Variants in PLXDC1 observed in about 807,000 individuals in gnomAD.
The protein encoded by PLXDC1 is plexin domain containing 1, also known as plexin domain-containing protein 1.
A neutral mutation model predicts 61.3 loss-of-function variants in PLXDC1; 39 were observed. That is an observed-to-expected ratio of 0.64 (90% CI 0.49 to 0.83). The LOEUF is 0.83. Among genes scored for constraint, PLXDC1 ranks in the 40% least tolerant of loss-of-function variants. The probability of loss-of-function intolerance (pLI) is 0.00; values close to 1 mark genes in which losing one functional copy is unlikely to be tolerated. For missense variants in PLXDC1, 596 were observed against 666.5 expected (o/e 0.89, Z 1.17); for synonymous variants, 212 against 254.5 (o/e 0.83, Z 1.59).
At chr17:39,122,141 G>A (rs369125453) in intron 2 of PLXDC1, among the ~76,000 whole-genome samples, 1 of 146,862 alleles carries the variant, frequency 6.8e-6, no homozygotes, top group East Asian at 2.0e-4. Context: ...AGTGACTCAC[G>A]CCTGAAATCC....
At chr17:39,112,457 C>CTTTTTTTTTTTTTTTTTTTTTTTTTTT (rs11448360) in intron 2 of PLXDC1, among the ~76,000 whole-genome samples, 1 of 121,114 alleles carries the variant, frequency 8.3e-6, no homozygotes, top group Non-Finnish European at 1.6e-5. Context: ...TTTTTTCTTT[C>CTTTTTTTTTTTTTTTTTTTTTTTTTTT]TTTTTTTTTT....
chr17:39,075,376 T>A (rs567297345), intron 11 of PLXDC1, among the ~76,000 whole-genome samples: 16 of 152,346 alleles, frequency 1.1e-4, no homozygotes, highest in African/African-American at 3.6e-4. Flanking sequence ...TCTGCCTCAC[T>A]TTTTCACACT....
intron 2 of PLXDC1, among the ~76,000 whole-genome samples, chr17:39,129,633 G>A (rs1403826310): frequency 5.1e-5 from 4 of 78,952 alleles, no homozygotes; most frequent in East Asian, 5.0e-4. Context: ...AGAAAGAAAA[G>A]AAAGAAAGAG....
chr17:39,139,505 C>T (rs1193855684), intron 2 of PLXDC1, 149 bp downstream of exon 2: 4 of 704,506 alleles, frequency 5.7e-6, no homozygotes, highest in East Asian at 5.6e-5. Context: ...GCTTCCATCC[C>T]CTCCCCGGGG....
At chr17:39,133,075 C>T (rs1911617144) in intron 2 of PLXDC1, among the ~76,000 whole-genome samples, 1 of 152,202 alleles carries the variant, frequency 6.6e-6, no homozygotes, top group Non-Finnish European at 1.5e-5. Context: ...CTAGATGAGA[C>T]TTCCTTAGGC....
chr17:39,118,110 C>A (rs944487668), intron 2 of PLXDC1, among the ~76,000 whole-genome samples: 1 of 135,964 alleles, frequency 7.4e-6, no homozygotes, highest in African/African-American at 2.7e-5. Flanking sequence ...TCCTTCCTTC[C>A]TCTCTCTCTC....
At chr17:39,068,027 G>C in intron 13 of PLXDC1, 68 bp from the exon 14 acceptor site, 1 of 1,533,174 alleles carries the variant, frequency 6.5e-7, no homozygotes, top group South Asian at 1.2e-5. Context: ...ACACTCCTGA[G>C]CGACAGAGCC....
intron 7 of PLXDC1, among the ~76,000 whole-genome samples, chr17:39,103,140 G>A (rs969260889): frequency 5.9e-5 from 9 of 151,794 alleles, no homozygotes; most frequent in East Asian, 5.8e-4. Flanking sequence ...GCGTGAACCC[G>A]GGAGGTGGAG....
intron 11 of PLXDC1, among the ~76,000 whole-genome samples, chr17:39,074,970 CT>C (rs1248702194): frequency 6.6e-6 from 1 of 151,892 alleles, no homozygotes; most frequent in Admixed American, 6.6e-5. Context: ...CTTTCCTTTT[CT>C]TTTTTTGAGA....
intron 8 of PLXDC1, among the ~76,000 whole-genome samples, chr17:39,086,752 C>T (rs1486815464): frequency 1.4e-5 from 2 of 146,150 alleles, no homozygotes; most frequent in Admixed American, 7.1e-5. Context: ...ATCCCAGCTA[C>T]TTGGGAGGCT....
chr17:39,122,373 T>C (rs1911190094), intron 2 of PLXDC1, among the ~76,000 whole-genome samples: 2 of 114,150 alleles, frequency 1.8e-5, no homozygotes, highest in Admixed American at 1.0e-4. Flanking sequence ...AGCGAGACTC[T>C]GTCTCAAAAA....
Position 39,069,943 on chromosome 17 carries a change from C to A in PLXDC1, c.1296G>T (p.Leu432=). ...TGATGGCCGCCACGAGGAGGACTGCCAGCACGATGCCCACGATGGTGCCCA... is the reference window on the plus strand; with the variant it reads ...TGATGGCCGCCACGAGGAGGACTGCAAGCACGATGCCCACGATGGTGCCCA... ...VHLGTIVGIV[L]AVLLVAAIIL... Residue 432 remains leucine (L), a synonymous_variant, in exon 13 of 14, where the codon CTG becomes CTT. Coordinates refer to ENST00000315392, the MANE Select transcript of PLXDC1 (RefSeq NM_020405.5). The A allele has an allele frequency of 6.2e-7, 1 of 1,613,620 alleles. No homozygotes were observed. The highest frequency in any genetic ancestry group is 8.5e-7 in the Non-Finnish European group (1 of 1,179,572).
At chr17:39,137,123 G>A (rs1030707107) in intron 2 of PLXDC1, among the ~76,000 whole-genome samples, 6 of 152,242 alleles carry the variant, frequency 3.9e-5, no homozygotes, top group Admixed American at 2.0e-4. Context: ...TGGAGTTACA[G>A]GGAGTACCCT....
intron 13 of PLXDC1, 45 bp downstream of exon 13, chr17:39,069,811 G>A (rs765555297): frequency 2.3e-5 from 36 of 1,543,942 alleles, no homozygotes; most frequent in African/African-American, 6.8e-5. Context: ...AGGAGACGCC[G>A]ACGCAGAAGC....
chr17:39,068,609 G>A (rs748007589), intron 13 of PLXDC1, among the ~76,000 whole-genome samples: 20 of 152,186 alleles, frequency 1.3e-4, no homozygotes, highest in Non-Finnish European at 1.3e-4. Context: ...CCCAGGAGGC[G>A]GAGGCTGCAG....
At chr17:39,115,348 G>T (rs896111205) in intron 2 of PLXDC1, among the ~76,000 whole-genome samples, 2 of 152,242 alleles carry the variant, frequency 1.3e-5, no homozygotes, top group African/African-American at 4.8e-5. Flanking sequence ...GCCCTACTCA[G>T]GCCAGCGAGG....
rs184005565 is a variant in PLXDC1, at chr17:39,142,193, C to T, written c.77-2361G>A. Among the ~76,000 whole-genome samples, 1,323 of 152,272 alleles carry T rather than the reference C, an allele frequency of 8.7e-3. 15 individuals are homozygous for T. Among genetic ancestry groups the T allele is most frequent in the Middle Eastern group, 0.01 (3 of 294 alleles). On this transcript the variant is annotated intron_variant, in intron 1 of 13. Coordinates refer to ENST00000315392, the MANE Select transcript of PLXDC1 (RefSeq NM_020405.5). ...TATCCCCTGGGGAATAAAATTAACCCCCCCTTGCCCCATTGAGGGAGGGGT... is the reference window on the plus strand; with the variant it reads ...TATCCCCTGGGGAATAAAATTAACCTCCCCTTGCCCCATTGAGGGAGGGGT...
At chr17:39,086,878 A>AAAAAAAAAAAAAAAAG (rs1298383783) in intron 8 of PLXDC1, among the ~76,000 whole-genome samples, 1 of 150,746 alleles carries the variant, frequency 6.6e-6, no homozygotes, top group East Asian at 2.0e-4. Context: ...AAAAAAAAAA[A>AAAAAAAAAAAAAAAAG]AAGAAGAAGA....
chr17:39,133,280 C>A (rs151310966), intron 2 of PLXDC1, among the ~76,000 whole-genome samples: 1 of 152,028 alleles, frequency 6.6e-6, no homozygotes, highest in Non-Finnish European at 1.5e-5. Context: ...CCTAACAGGA[C>A]GAGGGCAGGG....
Sources: allele counts gnomAD v4.1 joint callset (sites outside exome capture counted in the v4.1 genomes callset), GRCh38; gene constraint gnomAD v4.1.1; transcripts MANE v1.5; gene names NCBI Gene and HGNC (gene_info 2026-07-23, HGNC 2026-07-21).